CSMD1: variants seen among roughly 807,000 people sequenced by gnomAD.
The protein encoded by CSMD1 is CUB and Sushi multiple domains 1.
A neutral mutation model predicts 417.5 loss-of-function variants in CSMD1; 213 were observed. The ratio of observed to expected loss-of-function variants is 0.51; its 90% CI spans 0.46 to 0.57. The LOEUF (loss-of-function observed/expected upper bound fraction) is 0.57. CSMD1 is among the 20% of genes least tolerant of loss of function. The pLI is 0.00. For synonymous variants in CSMD1, 2,862 were observed against 1,736.8 expected (o/e 1.65, Z -16.11); for missense variants, 6,923 against 4,529.7 (o/e 1.53, Z -15.17).
chr8:3,217,245 T>A (rs1230782017), intron 29 of CSMD1, among the ~76,000 whole-genome samples: 1 of 152,256 alleles, frequency 6.6e-6, no homozygotes, highest in African/African-American at 2.4e-5. Context: ...TCATTCCTAT[T>A]CTCTTTCCTG....
chr8:3,314,855 G>C (rs1391667944), intron 23 of CSMD1, among the ~76,000 whole-genome samples: 1 of 152,184 alleles, frequency 6.6e-6, no homozygotes, highest in Non-Finnish European at 1.5e-5. Flanking sequence ...AAGAGAACCG[G>C]CTCCAGACTT....
intron 6 of CSMD1, among the ~76,000 whole-genome samples, chr8:3,749,435 A>C (rs2720848): frequency 1.3e-5 from 2 of 152,198 alleles, no homozygotes; most frequent in African/African-American, 4.8e-5. Flanking sequence ...ACTGCTTCTG[A>C]CATGACTTGA....
intron 3 of CSMD1, among the ~76,000 whole-genome samples, chr8:4,040,315 T>C (rs1481392234): frequency 6.6e-6 from 1 of 152,216 alleles, no homozygotes; most frequent in Non-Finnish European, 1.5e-5. Flanking sequence ...AAGTCGTTTA[T>C]ATATATTGAG....
intron 5 of CSMD1, among the ~76,000 whole-genome samples, chr8:3,847,827 T>C (rs979920121): frequency 2.6e-5 from 4 of 152,198 alleles, no homozygotes; most frequent in Admixed American, 2.0e-4. Flanking sequence ...AAACCTCATC[T>C]TGACTGATTT....
chr8:3,369,442 A>T, intron 18 of CSMD1, 72 bp from the exon 19 acceptor site: 1 of 722,720 alleles, frequency 1.4e-6, no homozygotes, highest in Non-Finnish European at 2.4e-6. Context: ...ATACTGGTTA[A>T]ATGGCATGCA....
chr8:3,775,332 A>T (rs1798839246), intron 5 of CSMD1, among the ~76,000 whole-genome samples: 1 of 152,192 alleles, frequency 6.6e-6, no homozygotes, highest in African/African-American at 2.4e-5. Context: ...CAGGCAATGT[A>T]TCCTACGCCT....
intron 3 of CSMD1, among the ~76,000 whole-genome samples, chr8:4,418,891 C>G (rs924899948): frequency 1.3e-5 from 2 of 152,148 alleles, no homozygotes; most frequent in African/African-American, 4.8e-5. Context: ...GGCAGAATCG[C>G]AGACCATTCT....
At chr8:4,252,857 G>C (rs1296950487) in intron 3 of CSMD1, among the ~76,000 whole-genome samples, 2 of 152,174 alleles carry the variant, frequency 1.3e-5, no homozygotes, top group Admixed American at 1.3e-4. Context: ...GCCTTCTTGG[G>C]ACCATGAGTG....
chr8:4,278,217 T>G (rs1267561510), intron 3 of CSMD1, among the ~76,000 whole-genome samples: 1 of 152,164 alleles, frequency 6.6e-6, no homozygotes, highest in Non-Finnish European at 1.5e-5. Flanking sequence ...AGAGCCAAGC[T>G]TGGTAAGTGT....
intron 26 of CSMD1, among the ~76,000 whole-genome samples, chr8:3,253,531 G>A (rs1263855829): frequency 6.6e-6 from 1 of 152,158 alleles, no homozygotes; most frequent in Non-Finnish European, 1.5e-5. Context: ...GAGTTCTGTA[G>A]ATGTCTATTA....
At chr8:4,093,104 C>A (rs562762992) in intron 3 of CSMD1, among the ~76,000 whole-genome samples, 2 of 152,200 alleles carry the variant, frequency 1.3e-5, no homozygotes, top group South Asian at 4.2e-4. Flanking sequence ...AACTCAAAGG[C>A]CCTTGTGCCT....
At chr8:3,368,994 G>T (rs7001248) in intron 19 of CSMD1, among the ~76,000 whole-genome samples, 36,067 of 152,016 alleles carry the variant, frequency 0.24, 4,393 homozygotes, top group African/African-American at 0.3. Context: ...TACCACGATA[G>T]CTATATTTCA....
chr8:3,743,911 G>A (rs942584983), intron 6 of CSMD1, among the ~76,000 whole-genome samples: 2 of 152,068 alleles, frequency 1.3e-5, no homozygotes, highest in African/African-American at 4.8e-5. Flanking sequence ...TGCACCATTT[G>A]TCTTTGTCAC....
intron 3 of CSMD1, among the ~76,000 whole-genome samples, chr8:4,176,403 T>G (rs944674361): frequency 6.6e-6 from 1 of 152,158 alleles, no homozygotes. Flanking sequence ...TTTTTCCCTT[T>G]TCTCTTATTT....
intron 2 of CSMD1, among the ~76,000 whole-genome samples, chr8:4,455,405 T>A (rs932019642): frequency 2.0e-5 from 3 of 152,074 alleles, no homozygotes; most frequent in Non-Finnish European, 2.9e-5. Context: ...TACACAGCTG[T>A]CATGTGTATC....
At chr8:4,218,805 TC>T (rs1306895377) in intron 3 of CSMD1, among the ~76,000 whole-genome samples, 4 of 152,224 alleles carry the variant, frequency 2.6e-5, no homozygotes, top group Non-Finnish European at 4.4e-5. Flanking sequence ...ACTTCTGTTT[TC>T]TCAGTGTCAA....
intron 52 of CSMD1, among the ~76,000 whole-genome samples, chr8:3,002,275 CT>C (rs1041916129): frequency 2.6e-5 from 4 of 152,210 alleles, no homozygotes; most frequent in African/African-American, 9.7e-5. Context: ...GACATTGTCT[CT>C]GAAGGTTCCC....
intron 11 of CSMD1, among the ~76,000 whole-genome samples, chr8:3,473,342 T>C (rs1173624247): frequency 6.6e-6 from 1 of 152,200 alleles, no homozygotes; most frequent in Non-Finnish European, 1.5e-5. Context: ...GTGACAGTTA[T>C]ATTTATGAGA....
chr8:3,489,244 C>A lies in CSMD1; in HGVS notation c.1448+4379G>T, dbSNP rs545017086. 1.0e-3 allele frequency among the ~76,000 whole-genome samples: 157 copies of A among 152,250 alleles called. 1 individual carries two copies. Among genetic ancestry groups the A allele is most frequent in the African/African-American group, 3.4e-3 (143 of 41,534 alleles). On this transcript the variant is annotated intron_variant, in intron 11 of 69. Coordinates refer to ENST00000635120, the MANE Select transcript of CSMD1 (RefSeq NM_033225.6). ...TAGATTCAGCAAAAATGGATTAATCCAGCCCTAAGAAAGAACCAGTATCCT... is the reference window on the plus strand; with the variant it reads ...TAGATTCAGCAAAAATGGATTAATCAAGCCCTAAGAAAGAACCAGTATCCT...
Sources: gnomAD v4.1 joint callset for allele counts (sites outside exome capture counted in the v4.1 genomes callset) on GRCh38, gnomAD v4.1.1 for gene constraint, MANE v1.5 for transcripts, NCBI Gene and HGNC (gene_info 2026-07-23, HGNC 2026-07-21) for gene names.